The following IGSF10 variants were observed in gnomAD, a reference collection of about 807,000 sequenced individuals.
The protein encoded by IGSF10 is calvaria mechanical force protein 608.
In IGSF10, 126 loss-of-function variants were observed where a neutral mutation model predicts 128.2. The ratio of observed to expected loss-of-function variants is 0.98; its 90% confidence interval spans 0.85 to 1.14. The LOEUF is 1.14. IGSF10 is among the 50% of genes most tolerant of loss of function. IGSF10 has a pLI of 0.00. For synonymous variants in IGSF10, 1,185 were observed against 1,146.2 expected, an observed-to-expected ratio of 1.03 and a Z score of -0.68; for missense variants, 3,295 against 3,149.8, an observed-to-expected ratio of 1.05 and a Z score of -1.10.
chr3:151,522,462 T>C, the IGSF10 span, among the ~76,000 whole-genome samples: 3 of 151,944 alleles, frequency 2.0e-5, no homozygotes, highest in Middle Eastern at 6.8e-3. Context: ...CTTGCAAACA[T>C]CTAGCAGCTC....
chr3:151,600,391 T>A, the IGSF10 span, among the ~76,000 whole-genome samples: 52 of 152,300 alleles, frequency 3.4e-4, no homozygotes, highest in Non-Finnish European at 6.5e-4. Context: ...TTATACTTCA[T>A]GTCTACACGT....
chr3:151,596,034 C>T, the IGSF10 span, among the ~76,000 whole-genome samples: 27 of 152,018 alleles, frequency 1.8e-4, no homozygotes, highest in South Asian at 4.4e-3. Context: ...CTGTTGTTAC[C>T]ATTTCACTAT....
At position 151,446,346 on chromosome 3, in the gene IGSF10, T is replaced by C. The variant is rs1474003300; in HGVS notation, c.3635A>G (p.Asn1212Ser). 2 of 1,613,668 alleles carry C rather than the reference T, an allele frequency of 1.2e-6. No homozygotes were observed. Among genetic ancestry groups the C allele is most frequent in the Non-Finnish European group, 1.7e-6 (2 of 1,179,594 alleles). Residue 1212 changes from asparagine to serine, a missense_variant, in exon 6 of 8, where the codon AAC (asparagine) becomes AGC (serine). By Grantham distance (46) the Asn-to-Ser change is conservative (BLOSUM62 1). Transcript: ENST00000282466. ...CCTTAATCTGCCTTTTGGGTTATGGTTATTTACAAAGTTCTGTTGCCAGGG... is the reference window on the plus strand; with the variant it reads ...CCTTAATCTGCCTTTTGGGTTATGGCTATTTACAAAGTTCTGTTGCCAGGG... ...KIPWQQNFVN[N>S]HNPKGRLRNQ...
At chr3:151,508,508 TTGGG>T in the IGSF10 span, among the ~76,000 whole-genome samples, 3 of 152,112 alleles carry the variant, frequency 2.0e-5, no homozygotes, top group Non-Finnish European at 4.4e-5. Context: ...TTTTGATTGT[TTGGG>T]AAACTGAGTC....
the IGSF10 span, among the ~76,000 whole-genome samples, chr3:151,616,932 C>T: frequency 6.6e-6 from 1 of 152,176 alleles, no homozygotes; most frequent in African/African-American, 2.4e-5. Context: ...TAAGGACCCT[C>T]TGTAGAGTTT....
chr3:151,580,140 T>C, the IGSF10 span, among the ~76,000 whole-genome samples: 11 of 152,026 alleles, frequency 7.2e-5, no homozygotes, highest in African/African-American at 2.2e-4. Flanking sequence ...CCCCAGGAGT[T>C]TGAGATCAGT....
At chr3:151,495,330 A>G in the IGSF10 span, among the ~76,000 whole-genome samples, 1 of 152,178 alleles carries the variant, frequency 6.6e-6, no homozygotes, top group Non-Finnish European at 1.5e-5. Flanking sequence ...GGTCAGTTGC[A>G]AAGTAAAAAT....
the IGSF10 span, among the ~76,000 whole-genome samples, chr3:151,598,298 A>G: frequency 7.2e-5 from 11 of 152,318 alleles, no homozygotes; most frequent in Admixed American, 5.9e-4. Flanking sequence ...CCTTTGGGCA[A>G]TGTTTGTGAG....
chr3:151,611,180 C>T, the IGSF10 span, among the ~76,000 whole-genome samples: 3 of 152,242 alleles, frequency 2.0e-5, no homozygotes, highest in South Asian at 6.2e-4. Flanking sequence ...TTGTCATATG[C>T]AAAAATTCAC....
At chr3:151,519,067 G>T in the IGSF10 span, among the ~76,000 whole-genome samples, 9 of 151,898 alleles carry the variant, frequency 5.9e-5, no homozygotes, top group African/African-American at 2.2e-4. Flanking sequence ...CTGATGAGAT[G>T]GGAGATCACA....
chr3:151,593,297 G>A, the IGSF10 span, among the ~76,000 whole-genome samples: 2 of 151,918 alleles, frequency 1.3e-5, no homozygotes, highest in Non-Finnish European at 2.9e-5. Context: ...ATTTTTTGTA[G>A]AGACGAGGTT....
intron 5 of IGSF10, 67 bp from the exon 6 acceptor site, chr3:151,449,332 G>T: frequency 7.2e-7 from 1 of 1,396,816 alleles, no homozygotes; most frequent in South Asian, 1.5e-5. Flanking sequence ...ACATTTTGAA[G>T]AAATAGCTTT....
At chr3:151,433,441 A>G (rs1282757898), downstream of IGSF10, 1 of 152,650 alleles carries the variant, frequency 6.6e-6, no homozygotes, top group Non-Finnish European at 1.5e-5. Context: ...TCGTACTTAA[A>G]CTTCTTAAAC....
chr3:151,609,266 G>A, the IGSF10 span, among the ~76,000 whole-genome samples: 1 of 152,190 alleles, frequency 6.6e-6, no homozygotes. Flanking sequence ...GGCACAATGA[G>A]TGAGGTTGGA....
chr3:151,527,702 C>T, the IGSF10 span, among the ~76,000 whole-genome samples: 2 of 152,104 alleles, frequency 1.3e-5, no homozygotes, highest in Non-Finnish European at 2.9e-5. Flanking sequence ...ATAATCCCAG[C>T]ACTTTGGAAG....
the IGSF10 span, among the ~76,000 whole-genome samples, chr3:151,568,331 A>C: frequency 1.2e-4 from 18 of 152,184 alleles, no homozygotes; most frequent in Non-Finnish European, 2.1e-4. Context: ...CCTCCTCCAG[A>C]CACTGTGCAA....
Position 151,443,599 on chromosome 3 carries a change from T to C in IGSF10, c.5348A>G (p.Asn1783Ser). The part of the protein sequence containing the change: ...PSPTVTWILA[N>S]QTVVSESSQG... Reference sequence around the variant, plus strand: ...GGATGATTCTGAGACAACTGTTTGGTTTGCAAGAATCCAGGTAACTGTAGG... The same window carrying C: ...GGATGATTCTGAGACAACTGTTTGGCTTGCAAGAATCCAGGTAACTGTAGG... Residue 1783 changes from asparagine (N) to serine (S), a missense_variant, in exon 7 of 8, where the codon AAC becomes AGC. Physicochemically the swap from Asn to Ser is conservative, Grantham distance 46. Transcript: ENST00000282466. 6.2e-7 allele frequency: 1 copy of C among 1,614,218 alleles called. No individual in the cohort carries two copies. The highest frequency in any genetic ancestry group is 1.7e-5 in the Admixed American group (1 of 60,028).
the IGSF10 span, among the ~76,000 whole-genome samples, chr3:151,587,023 A>T: frequency 2.0e-5 from 3 of 152,220 alleles, no homozygotes; most frequent in East Asian, 3.9e-4. Flanking sequence ...AGTAAATAAA[A>T]CTTGATATCC....
At chr3:151,569,306 A>G in the IGSF10 span, among the ~76,000 whole-genome samples, 1 of 152,122 alleles carries the variant, frequency 6.6e-6, no homozygotes, top group African/African-American at 2.4e-5. Flanking sequence ...CCCTGATCTT[A>G]AGAGATCCAC....
Sources: gnomAD v4.1 joint callset for allele counts (sites outside exome capture counted in the v4.1 genomes callset) on GRCh38, gnomAD v4.1.1 for gene constraint, MANE v1.5 for transcripts, NCBI Gene and HGNC (gene_info 2026-07-23, HGNC 2026-07-21) for gene names.